The following DICER1 variants were observed in gnomAD, a reference collection of about 807,000 sequenced individuals.
DICER1 encodes dicer 1, ribonuclease III, also known as endoribonuclease Dicer.
Under a neutral mutation model 194.1 loss-of-function variants are expected in DICER1, and 43 were observed. The observed-to-expected ratio is 0.22, with a 90% CI of 0.17 to 0.29. DICER1 has a LOEUF of 0.29. Among genes scored for constraint, DICER1 ranks in the 10% least tolerant of loss-of-function variants. The pLI, the probability that DICER1 is intolerant of heterozygous loss-of-function variation, is 1.00. For synonymous variants in DICER1, 832 were observed against 820.5 expected, an observed-to-expected ratio of 1.01 and a Z score of -0.24; for missense variants, 1,608 against 2,317.0, an observed-to-expected ratio of 0.69 and a Z score of 6.28.
Position 95,112,271 on chromosome 14 carries a change from A to T in DICER1, c.2041-24T>A, listed in dbSNP as rs1269685013. 1.9e-6 allele frequency: 3 copies of T among 1,597,800 alleles called. No individual in the cohort carries two copies. In the African/African-American group the frequency reaches 4.0e-5, roughly 21 times the overall value. On this transcript the variant is annotated intron_variant, in intron 12 of 26. Coordinates refer to ENST00000343455, the MANE Select transcript of DICER1 (RefSeq NM_177438.3). Reference sequence around the variant, plus strand: ...CCCTGAAAATAACAAAAACCTTTCCATTATATATGCACATCGCTGTATTAC... The same window carrying T: ...CCCTGAAAATAACAAAAACCTTTCCTTTATATATGCACATCGCTGTATTAC...
In DICER1 at chr14:95,157,303, T is replaced by G. The variant is rs896211480; in HGVS notation, c.-119A>C. 6.5e-6 allele frequency: 1 copy of G among 154,340 alleles called. No individual in the cohort carries two copies. Among genetic ancestry groups the G allele is most frequent in the African/African-American group, 2.4e-5 (1 of 41,206 alleles). 9.6% of individuals were successfully genotyped at this position (154,340 alleles called of 1,614,324 possible). ...CGGCGCGCGCGTCACAGCCCAGGCCTCCCGGAGCCGCCCGGCGCCGCCGCC... is the reference window on the plus strand; with the variant it reads ...CGGCGCGCGCGTCACAGCCCAGGCCGCCCGGAGCCGCCCGGCGCCGCCGCC... On this transcript the variant is annotated 5_prime_UTR_variant, in exon 1 of 27. Coordinates refer to ENST00000343455, the MANE Select transcript of DICER1 (RefSeq NM_177438.3).
Position 95,086,595 on chromosome 14 carries a change from G to A in DICER1, c.*3903C>T, listed in dbSNP as rs1889356673. Reference sequence around the variant, plus strand: ...CTGTGGTTGATGTCCAAATAAAAATGGACTAGAAAAAAAGAAGTAATGATT... The same window carrying A: ...CTGTGGTTGATGTCCAAATAAAAATAGACTAGAAAAAAAGAAGTAATGATT... On this transcript the variant is annotated 3_prime_UTR_variant, in exon 27 of 27. Transcript: ENST00000343455. 4.3e-6 allele frequency: 1 copy of A among 233,028 alleles called. No individual in the cohort carries two copies. Among genetic ancestry groups the A allele is most frequent in the Non-Finnish European group, 8.5e-6 (1 of 117,826 alleles). The allele number at this position is 233,028 out of a possible 1,614,324, so 14.4% of individuals were successfully genotyped here.
rs115545128 is a variant in DICER1 at position 95,125,401 on chromosome 14, C to G, written c.904-733G>C. Among the ~76,000 whole-genome samples, 1,150 of 150,628 alleles carry G rather than the reference C, an allele frequency of 7.6e-3. 14 individuals are homozygous for G. Among genetic ancestry groups the G allele is most frequent in the African/African-American group, 0.027 (1,113 of 40,746 alleles). ...TCAACATTAACATCTCAGCTAAATTCAGACTCTGATCCTGGACCCTCCCAG... is the reference window on the plus strand; with the variant it reads ...TCAACATTAACATCTCAGCTAAATTGAGACTCTGATCCTGGACCCTCCCAG... On this transcript the variant is annotated intron_variant, in intron 7 of 26. Transcript: ENST00000343455.
chr14:95,132,589 G>C lies in DICER1; in HGVS notation c.233C>G (p.Thr78Ser). The C allele has an allele frequency of 6.2e-7, 1 of 1,613,818 alleles. No individual in the cohort carries two copies. The highest frequency in any genetic ancestry group is 8.5e-7 in the Non-Finnish European group (1 of 1,179,796). ...CCTGATCTGATAGGACAGCTCTTTA[G>C]TGAGTAGTACTGCAATAAATGTCTT... ...SGKTFIAVLLTKELSYQIRGD... is the reference protein window; with the variant it reads ...SGKTFIAVLLSKELSYQIRGD... The change falls in exon 3 of 27, where the codon ACT becomes AGT. Residue 78 changes from threonine to serine, a missense_variant. By Grantham distance (58) the Thr-to-Ser change is moderately conservative (BLOSUM62 1). Around this residue, in one of 10 missense-constraint regions of DICER1, gnomAD observed 657 missense variants for 910.1 expected, o/e 0.72. Transcript: ENST00000343455.
At position 95,111,384 on chromosome 14, in the gene DICER1, T is replaced by A; in HGVS notation, c.2189A>T (p.Asp730Val). ...TCCTGGAACACTGGTCTCTTCTTCA[T>A]CATGCAAATCAAGCTCCTCTTCATA... Reference protein sequence around the residue: ...VKYEEELDLHDEEETSVPGRP... With the variant: ...VKYEEELDLHVEEETSVPGRP... The change falls in exon 14 of 27, where the codon GAT becomes GTT. Residue 730 changes from aspartate to valine, a missense_variant. Transcript: ENST00000343455. 1 of 1,614,182 alleles carries A rather than the reference T, an allele frequency of 6.2e-7. No homozygotes were observed. Among genetic ancestry groups the A allele is most frequent in the South Asian group, 1.1e-5 (1 of 91,086 alleles).
At position 95,132,906 on chromosome 14, in the gene DICER1, CCTTT is replaced by C. The variant is rs1894079962; in HGVS notation, c.145-233_145-230del. On this transcript the variant is annotated intron_variant, in intron 2 of 26. Coordinates refer to ENST00000343455, the MANE Select transcript of DICER1 (RefSeq NM_177438.3). ...AAATACGTGTTGAAATGGCATTTAC[CCTTT>C]CTTTAAGCATTATTTTTGTATACAC... Among the ~76,000 whole-genome samples, 11 of 152,218 alleles carry C rather than the reference CCTTT, an allele frequency of 7.2e-5. No homozygotes were observed. In the South Asian group the frequency reaches 2.3e-3, roughly 32 times the overall value.
At chr14:95,117,079 G>A (rs1368854723) in intron 9 of DICER1, among the ~76,000 whole-genome samples, 1 of 152,138 alleles carries the variant, frequency 6.6e-6, no homozygotes, top group African/African-American at 2.4e-5. Context: ...ACTTTAAATA[G>A]GTTTTTGTGT....
At position 95,107,836 on chromosome 14, in the gene DICER1, GTA is replaced by G. The variant is rs1566776291; in HGVS notation, c.2650+42_2650+43del. 1.9e-6 allele frequency: 3 copies of G among 1,607,206 alleles called. No homozygotes were observed. Among genetic ancestry groups the G allele is most frequent in the Middle Eastern group, 3.3e-4 (2 of 6,046 alleles). ...AGTTTCATACCAAAGCTGTATGTTT[GTA>G]TATGTGTCTAGAGTTATCAAAGTAA... On this transcript the variant is annotated intron_variant, in intron 16 of 26. Coordinates refer to ENST00000343455, the MANE Select transcript of DICER1 (RefSeq NM_177438.3).
At chr14:95,153,213 T>A (rs374363402) in intron 1 of DICER1, among the ~76,000 whole-genome samples, 1 of 138,908 alleles carries the variant, frequency 7.2e-6, no homozygotes, top group African/African-American at 2.9e-5. Flanking sequence ...TGAGACTCCG[T>A]CTCAAAAAAA....
intron 10 of DICER1, 70 bp from the exon 11 acceptor site, chr14:95,115,891 C>T (rs1892408412): frequency 6.6e-7 from 1 of 1,514,506 alleles, no homozygotes; most frequent in Non-Finnish European, 9.1e-7. Flanking sequence ...TGCCTCTGTA[C>T]CTACAGAAAA....
At chr14:95,123,185 T>C (rs531152391) in intron 8 of DICER1, among the ~76,000 whole-genome samples, 4 of 152,298 alleles carry the variant, frequency 2.6e-5, no homozygotes, top group Admixed American at 1.3e-4. Flanking sequence ...AGTGACCATC[T>C]GACAGAAATC....
intron 8 of DICER1, among the ~76,000 whole-genome samples, chr14:95,119,193 G>C (rs1892737538): frequency 6.6e-6 from 1 of 151,880 alleles, no homozygotes; most frequent in Non-Finnish European, 1.5e-5. Flanking sequence ...TGTTAATTAG[G>C]CAAAGAATGT....
chr14:95,124,059 G>T lies in DICER1; in HGVS notation c.1376+137C>A. 1 of 677,406 alleles carries T rather than the reference G, an allele frequency of 1.5e-6. No individual in the cohort carries two copies. The highest frequency in any genetic ancestry group is 2.6e-6 in the Non-Finnish European group (1 of 383,150). The allele number at this position is 677,406 out of a possible 1,614,324, so 42.0% of individuals were successfully genotyped here. A position where few individuals can be genotyped will look rare whatever the true frequency, so the allele number is the denominator to read the frequency against. ...TCTGTCAATCCCAGGACAGCATGAC[G>T]TATCAGCAATGATGGCGCCAAGTCA... On this transcript the variant is annotated intron_variant, in intron 8 of 26. Coordinates refer to ENST00000343455, the MANE Select transcript of DICER1 (RefSeq NM_177438.3). This position sits in a 1 kb window ranked among gnomAD's most constrained non-coding sequence, Gnocchi z 4.5.
intron 1 of DICER1, among the ~76,000 whole-genome samples, chr14:95,144,647 G>A (rs922027061): frequency 1.3e-5 from 2 of 152,042 alleles, no homozygotes; most frequent in Non-Finnish European, 2.9e-5. Flanking sequence ...ATTCGGCATA[G>A]AAAATGCATT....
At position 95,107,916 on chromosome 14, in the gene DICER1, C is replaced by T. The variant is rs149242330; in HGVS notation, c.2614G>A (p.Ala872Thr). The change falls in exon 16 of 27, where the codon GCT (alanine) becomes ACT (threonine). Residue 872 changes from alanine (A) to threonine (T), a missense_variant. Coordinates refer to ENST00000343455, the MANE Select transcript of DICER1 (RefSeq NM_177438.3). The part of the protein sequence containing the change: ...KPALEFKPTD[A>T]DSAYCVLPLN... ...GGTAGAACACAGTATGCTGAATCAG[C>T]GTCTGTAGGTTTAAATTCTAGTGCA... 9.3e-4 allele frequency: 1,497 copies of T among 1,613,978 alleles called. 3 individuals are homozygous for T. The highest frequency in any genetic ancestry group is 1.5e-3 in the Middle Eastern group (9 of 6,062).
chr14:95,103,299 G>T, intron 21 of DICER1, 47 bp downstream of exon 21: 1 of 1,584,322 alleles, frequency 6.3e-7, no homozygotes, highest in South Asian at 1.1e-5. Flanking sequence ...ACCACTTTCA[G>T]GCACACTGAA....
chr14:95,095,778 CAA>C lies in DICER1; in HGVS notation c.5095+45_5095+46del, dbSNP rs758147588. ...CAAGGCCAACACGATGAGATCAACA[CAA>C]AGTCTCATTTTCCCAGAAATGAAGT... On this transcript the variant is annotated intron_variant, in intron 23 of 26. Transcript: ENST00000343455. 3.7e-6 allele frequency: 6 copies of C among 1,602,650 alleles called. No homozygotes were observed. Among genetic ancestry groups the C allele is most frequent in the Non-Finnish European group, 5.1e-6 (6 of 1,171,354 alleles).
chr14:95,119,554 T>C (rs1892764146), intron 8 of DICER1, among the ~76,000 whole-genome samples: 1 of 152,230 alleles, frequency 6.6e-6, no homozygotes, highest in Non-Finnish European at 1.5e-5. Context: ...CTTAAAGAGT[T>C]TGTAACACCA....
chr14:95,132,131 T>A (rs1894000611), intron 3 of DICER1, among the ~76,000 whole-genome samples: 1 of 152,254 alleles, frequency 6.6e-6, no homozygotes, highest in African/African-American at 2.4e-5. Flanking sequence ...CTAAGCAGCA[T>A]GTAACTTTAT....
Sources: allele counts gnomAD v4.1 joint callset (sites outside exome capture counted in the v4.1 genomes callset), GRCh38; gene constraint gnomAD v4.1.1; regional missense constraint gnomAD v4.1.1; non-coding constraint Gnocchi (gnomAD v3.1); transcripts MANE v1.5; gene names NCBI Gene and HGNC (gene_info 2026-07-23, HGNC 2026-07-21).